The following EYA2 variants were observed in gnomAD, a reference collection of about 807,000 sequenced individuals.
EYA2 encodes EYA transcriptional coactivator and phosphatase 2, also known as protein phosphatase EYA2.
Under a neutral mutation model 69.2 loss-of-function variants are expected in EYA2, and 31 were observed. The ratio of observed to expected loss-of-function variants is 0.45; its 90% CI spans 0.34 to 0.60. The LOEUF (loss-of-function observed/expected upper bound fraction) is 0.60, where lower values mean the gene tolerates loss of function less well. Among genes scored for constraint, EYA2 ranks in the 20% least tolerant of loss-of-function variants. The pLI, the probability that EYA2 is intolerant of heterozygous loss-of-function variation, is 0.02. For missense variants in EYA2, 622 were observed against 701.2 expected, an observed-to-expected ratio of 0.89 and a Z score of 1.28; for synonymous variants, 257 against 279.4, an observed-to-expected ratio of 0.92 and a Z score of 0.80.
chr20:46,986,452 A>G (rs997476397), intron 1 of EYA2, among the ~76,000 whole-genome samples: 4 of 19,774 alleles, frequency 2.0e-4, no homozygotes, highest in Non-Finnish European at 1.1e-3. Flanking sequence ...TAATGTGTAT[A>G]TATATACATT....
At chr20:46,970,258 TTC>T (rs1266472709) in intron 1 of EYA2, among the ~76,000 whole-genome samples, 1 of 152,234 alleles carries the variant, frequency 6.6e-6, no homozygotes, top group African/African-American at 2.4e-5. Flanking sequence ...TTTTGAAAAT[TTC>T]TCTGTTTCCA....
At chr20:47,099,580 A>G (rs2032365255) in intron 9 of EYA2, among the ~76,000 whole-genome samples, 1 of 152,150 alleles carries the variant, frequency 6.6e-6, no homozygotes, top group African/African-American at 2.4e-5. Flanking sequence ...CTAACTGTGG[A>G]AGGTTTCTTC....
intron 12 of EYA2, among the ~76,000 whole-genome samples, chr20:47,173,610 A>G (rs150273435): frequency 2.6e-5 from 4 of 151,290 alleles, no homozygotes; most frequent in African/African-American, 9.7e-5. Flanking sequence ...TTTTGAGACA[A>G]GGTCTTGCTA....
intron 5 of EYA2, among the ~76,000 whole-genome samples, chr20:47,041,490 A>T (rs1227978431): frequency 6.6e-6 from 1 of 152,236 alleles, no homozygotes; most frequent in Non-Finnish European, 1.5e-5. Flanking sequence ...TACAGATGGT[A>T]AAAACCTAAC....
At chr20:46,973,695 G>A (rs943885026) in intron 1 of EYA2, among the ~76,000 whole-genome samples, 12 of 151,886 alleles carry the variant, frequency 7.9e-5, no homozygotes, top group Non-Finnish European at 1.6e-4. Flanking sequence ...TGGGTGCACA[G>A]AAGTTCATTC....
chr20:47,085,297 C>T lies in EYA2; in HGVS notation c.662-3942C>T, dbSNP rs562105822. 2.8e-4 allele frequency among the ~76,000 whole-genome samples: 43 copies of T among 152,138 alleles called. 1 individual carries two copies. Among genetic ancestry groups the T allele is most frequent in the East Asian group, 1.9e-3 (10 of 5,182 alleles). On this transcript the variant is annotated intron_variant, in intron 7 of 15. Coordinates refer to ENST00000327619, the MANE Select transcript of EYA2 (RefSeq NM_005244.5). Reference sequence around the variant, plus strand: ...ATCAACCCAAACGTCTACCTACAGGCGAATGGATAAACAAATTCTGATGTA... The same window carrying T: ...ATCAACCCAAACGTCTACCTACAGGTGAATGGATAAACAAATTCTGATGTA...
chr20:47,040,122 T>G (rs1302138501), intron 5 of EYA2, among the ~76,000 whole-genome samples: 2 of 152,168 alleles, frequency 1.3e-5, no homozygotes, highest in Non-Finnish European at 2.9e-5. Flanking sequence ...ATTACAGGCA[T>G]GAGCCACCGC....
intron 4 of EYA2, among the ~76,000 whole-genome samples, chr20:47,006,604 G>A (rs2146354021): frequency 6.6e-6 from 1 of 152,200 alleles, no homozygotes. Flanking sequence ...CCATACCTCT[G>A]CCCTGTTTGT....
chr20:46,910,806 G>A (rs1183146826), intron 1 of EYA2, among the ~76,000 whole-genome samples: 1 of 152,190 alleles, frequency 6.6e-6, no homozygotes, highest in Non-Finnish European at 1.5e-5. Context: ...ATAGAATGGA[G>A]CCAACTTTGA....
At chr20:47,151,640 G>T in intron 10 of EYA2, among the ~76,000 whole-genome samples, 1 of 151,920 alleles carries the variant, frequency 6.6e-6, no homozygotes, top group Non-Finnish European at 1.5e-5. Flanking sequence ...CTCTGAACCA[G>T]TTCCATGTCC....
intron 9 of EYA2, among the ~76,000 whole-genome samples, chr20:47,099,622 G>A (rs897436927): frequency 1.3e-5 from 2 of 152,246 alleles, no homozygotes; most frequent in African/African-American, 2.4e-5. Flanking sequence ...CAGTTGAGGG[G>A]ACGTGGAGCT....
At chr20:46,897,052 C>T (rs768719515) in intron 1 of EYA2, among the ~76,000 whole-genome samples, 1 of 152,042 alleles carries the variant, frequency 6.6e-6, no homozygotes, top group Non-Finnish European at 1.5e-5. Context: ...TTAGAATCTT[C>T]TTTTCATGTC....
At chr20:46,943,180 C>A (rs1443712188) in intron 1 of EYA2, among the ~76,000 whole-genome samples, 3 of 152,184 alleles carry the variant, frequency 2.0e-5, no homozygotes, top group Admixed American at 6.5e-5. Context: ...AGAGGGGAGG[C>A]GTGCTGCGGG....
At chr20:46,959,301 C>T (rs1287379393) in intron 1 of EYA2, among the ~76,000 whole-genome samples, 1 of 152,212 alleles carries the variant, frequency 6.6e-6, no homozygotes, top group East Asian at 1.9e-4. Context: ...GAGTCTCTCC[C>T]CTTGGCACTG....
intron 7 of EYA2, among the ~76,000 whole-genome samples, chr20:47,088,824 C>T (rs2031980489): frequency 6.6e-6 from 1 of 152,204 alleles, no homozygotes; most frequent in Admixed American, 6.5e-5. Context: ...TCAAGCGATC[C>T]TCTCACCTTG....
chr20:47,143,031 T>C, intron 9 of EYA2, 28 bp from the exon 10 acceptor site: 5 of 1,603,424 alleles, frequency 3.1e-6, no homozygotes, highest in Non-Finnish European at 4.3e-6. Flanking sequence ...TCCGCGTGCA[T>C]GTGATTTTCC....
chr20:46,978,752 A>G, intron 1 of EYA2: 1 of 527,190 alleles, frequency 1.9e-6, no homozygotes. Context: ...CTTCCTGGGC[A>G]GAGAGGATGG....
intron 6 of EYA2, among the ~76,000 whole-genome samples, chr20:47,073,673 G>A (rs1032345135): frequency 6.6e-6 from 1 of 152,100 alleles, no homozygotes; most frequent in African/African-American, 2.4e-5. Context: ...GGACCTCCAG[G>A]TGCCAGCATC....
intron 1 of EYA2, among the ~76,000 whole-genome samples, chr20:46,980,306 T>G (rs1980747335): frequency 6.6e-6 from 1 of 152,230 alleles, no homozygotes; most frequent in South Asian, 2.1e-4. Flanking sequence ...CTAGTATCTG[T>G]AAACTAAGCA....
Sources: gnomAD v4.1 joint callset for allele counts (sites outside exome capture counted in the v4.1 genomes callset) on GRCh38, gnomAD v4.1.1 for gene constraint, MANE v1.5 for transcripts, NCBI Gene and HGNC (gene_info 2026-07-23, HGNC 2026-07-21) for gene names.